ROBO1: variants seen among roughly 807,000 people sequenced by gnomAD.
The protein encoded by ROBO1 is roundabout homolog 1.
A neutral mutation model predicts 195.9 loss-of-function variants in ROBO1; 149 were observed. The observed-to-expected ratio is 0.76, with a 90% confidence interval of 0.67 to 0.87. The LOEUF (loss-of-function observed/expected upper bound fraction) is 0.87, where lower values mean the gene tolerates loss of function less well. Among genes scored for constraint, ROBO1 ranks in the 40% least tolerant of loss-of-function variants. The pLI is 0.00. For missense variants in ROBO1, 1,933 were observed against 2,068.3 expected, an observed-to-expected ratio of 0.93 and a Z score of 1.27; for synonymous variants, 816 against 733.2, an observed-to-expected ratio of 1.11 and a Z score of -1.82.
chr3:79,358,200 T>A (rs545939194), intron 2 of ROBO1, among the ~76,000 whole-genome samples: 21 of 152,252 alleles, frequency 1.4e-4, no homozygotes, highest in Middle Eastern at 3.4e-3. Flanking sequence ...TCTATAGGGA[T>A]GTTACAATAA....
intron 3 of ROBO1, among the ~76,000 whole-genome samples, chr3:78,998,699 TC>T (rs537548601): frequency 5.8e-4 from 89 of 152,152 alleles, no homozygotes; most frequent in African/African-American, 2.1e-3. Flanking sequence ...CATTCTACTA[TC>T]CAAAAACTGT....
intron 1 of ROBO1, among the ~76,000 whole-genome samples, chr3:79,720,856 G>C (rs915977580): frequency 6.7e-6 from 1 of 149,964 alleles, no homozygotes; most frequent in East Asian, 2.0e-4. Flanking sequence ...GCAGTGGTGC[G>C]ATCTCGGCTC....
intron 1 of ROBO1, among the ~76,000 whole-genome samples, chr3:79,655,775 C>T (rs762310726): frequency 1.3e-5 from 2 of 151,944 alleles, no homozygotes; most frequent in African/African-American, 4.8e-5. Context: ...AGCAAGCTAC[C>T]GTGGCACTAT....
chr3:79,018,271 A>G, intron 3 of ROBO1: 2 of 984,696 alleles, frequency 2.0e-6, no homozygotes, highest in African/African-American at 1.6e-5. Flanking sequence ...TTTTCGCCTA[A>G]AAGTCTAGCA....
At chr3:79,349,035 T>C (rs955824913) in intron 2 of ROBO1, among the ~76,000 whole-genome samples, 4 of 152,210 alleles carry the variant, frequency 2.6e-5, no homozygotes, top group African/African-American at 9.6e-5. Flanking sequence ...TAAATCTCTG[T>C]TTGTATCTTG....
At chr3:78,848,596 T>G (rs72896436) in intron 4 of ROBO1, among the ~76,000 whole-genome samples, 1 of 152,048 alleles carries the variant, frequency 6.6e-6, no homozygotes, top group Non-Finnish European at 1.5e-5. Flanking sequence ...GGGGATAGAA[T>G]GGTCCACGCA....
intron 4 of ROBO1, among the ~76,000 whole-genome samples, chr3:78,784,824 T>C (rs2083783043): frequency 6.6e-6 from 1 of 152,196 alleles, no homozygotes; most frequent in African/African-American, 2.4e-5. Context: ...TCAGGGTTAC[T>C]AATTCAATAA....
chr3:79,162,795 A>T (rs2080994412), intron 2 of ROBO1, among the ~76,000 whole-genome samples: 1 of 152,130 alleles, frequency 6.6e-6, no homozygotes, highest in South Asian at 2.1e-4. Flanking sequence ...TCTTAGCAGC[A>T]AGCATGAGAT....
chr3:79,353,847 C>A (rs1300962318), intron 2 of ROBO1, among the ~76,000 whole-genome samples: 2 of 151,982 alleles, frequency 1.3e-5, no homozygotes, highest in Admixed American at 1.3e-4. Context: ...GAGTTCAAGA[C>A]CAGCCTGGCC....
chr3:79,248,090 C>A (rs1285923424), intron 2 of ROBO1, among the ~76,000 whole-genome samples: 1 of 151,950 alleles, frequency 6.6e-6, no homozygotes, highest in Non-Finnish European at 1.5e-5. Flanking sequence ...ATTAGAGAAG[C>A]AGTTGGGAGG....
intron 4 of ROBO1, among the ~76,000 whole-genome samples, chr3:78,825,501 T>C (rs1316519303): frequency 1.3e-5 from 2 of 152,136 alleles, no homozygotes; most frequent in Non-Finnish European, 2.9e-5. Flanking sequence ...TTCAAAGAGA[T>C]GGTGCTCATA....
chr3:79,118,709 A>C (rs2080057020), intron 3 of ROBO1, among the ~76,000 whole-genome samples: 1 of 151,928 alleles, frequency 6.6e-6, no homozygotes, highest in African/African-American at 2.4e-5. Context: ...CTCTACTAAA[A>C]ATTCAAAAAT....
intron 1 of ROBO1, among the ~76,000 whole-genome samples, chr3:79,764,275 A>T (rs1411849810): frequency 6.6e-6 from 1 of 152,222 alleles, no homozygotes; most frequent in Non-Finnish European, 1.5e-5. Flanking sequence ...TGGCACTAAT[A>T]TATTTTAGGT....
chr3:78,683,073 G>A (rs1170446185), intron 10 of ROBO1, among the ~76,000 whole-genome samples: 1 of 151,780 alleles, frequency 6.6e-6, no homozygotes, highest in Non-Finnish European at 1.5e-5. Flanking sequence ...TAACTTCAGG[G>A]GGAAATAATT....
intron 1 of ROBO1, among the ~76,000 whole-genome samples, chr3:79,607,183 G>A (rs144138491): frequency 1.3e-4 from 20 of 150,474 alleles, no homozygotes; most frequent in African/African-American, 4.9e-4. Context: ...GAAATCTGGT[G>A]TGATTTTACT....
intron 3 of ROBO1, among the ~76,000 whole-genome samples, chr3:79,118,593 G>T (rs763039662): frequency 6.6e-6 from 1 of 152,068 alleles, no homozygotes; most frequent in African/African-American, 2.4e-5. Context: ...AATTGGGCTG[G>T]GCGCGGTGGC....
At chr3:79,332,825 A>G (rs2109181238) in intron 2 of ROBO1, among the ~76,000 whole-genome samples, 1 of 152,334 alleles carries the variant, frequency 6.6e-6, no homozygotes, top group South Asian at 2.1e-4. Context: ...GGCACTGGAG[A>G]TAAAGTAATA....
intron 1 of ROBO1, among the ~76,000 whole-genome samples, chr3:79,679,654 T>C (rs1420091605): frequency 6.6e-6 from 1 of 152,084 alleles, no homozygotes; most frequent in African/African-American, 2.4e-5. Context: ...AATTTCAGTT[T>C]GTTCTCCTTT....
At chr3:79,565,227 T>C (rs763732432) in intron 2 of ROBO1, among the ~76,000 whole-genome samples, 3 of 151,994 alleles carry the variant, frequency 2.0e-5, no homozygotes, top group Non-Finnish European at 4.4e-5. Flanking sequence ...AACATTACGT[T>C]TAAAGAATTG....
Sources: allele counts gnomAD v4.1 joint callset (sites outside exome capture counted in the v4.1 genomes callset), GRCh38; gene constraint gnomAD v4.1.1; transcripts MANE v1.5; gene names NCBI Gene and HGNC (gene_info 2026-07-23, HGNC 2026-07-21).